The following WDR26 variants were observed in gnomAD, a reference collection of about 807,000 sequenced individuals.
WDR26 encodes WD repeat-containing protein 26.
WDR26 carries 5 observed loss-of-function variants against 84.1 expected under a neutral mutation model. The observed-to-expected ratio is 0.06, with a 90% CI of 0.03 to 0.13. The LOEUF is 0.13. Among genes scored for constraint, WDR26 ranks in the 10% least tolerant of loss-of-function variants. The pLI, the probability that WDR26 is intolerant of heterozygous loss-of-function variation, is 1.00. For synonymous variants in WDR26, 415 were observed against 389.6 expected, an observed-to-expected ratio of 1.07 and a Z score of -0.77; for missense variants, 642 against 974.9, an observed-to-expected ratio of 0.66 and a Z score of 4.55.
chr1:224,416,352 C>G (rs974035220), intron 6 of WDR26, among the ~76,000 whole-genome samples: 1 of 151,970 alleles, frequency 6.6e-6, no homozygotes, highest in African/African-American at 2.4e-5. Context: ...CTCAGCCTCC[C>G]GAGTAGCTGG....
In WDR26 at chr1:224,388,045, C is replaced by T. The variant is rs1382726172; in HGVS notation, c.*1790G>A. 2 of 152,532 alleles carry T rather than the reference C, an allele frequency of 1.3e-5. No individual in the cohort carries two copies. The highest frequency in any genetic ancestry group is 2.9e-5 in the Non-Finnish European group (2 of 68,016). The allele number at this position is 152,532 out of a possible 1,614,324, so 9.4% of individuals were successfully genotyped here. On this transcript the variant is annotated 3_prime_UTR_variant, in exon 14 of 14. Transcript: ENST00000414423. ...TACCAATTTGATAAGAGTCTGCTGA[C>T]CACGATCTGTCATTTTCTTTACTAT...
At chr1:224,403,030 T>C (rs1673458456) in intron 8 of WDR26, among the ~76,000 whole-genome samples, 1 of 152,164 alleles carries the variant, frequency 6.6e-6, no homozygotes, top group South Asian at 2.1e-4. Flanking sequence ...TTTAGATATG[T>C]ATATATATGT....
chr1:224,388,721 A>C lies in WDR26; in HGVS notation c.*1114T>G, dbSNP rs1197972093. ...TTTAAGTATGTCTGTAACCTGCTGA[A>C]TTCTTCTAATAATTTCAATTATACT... On this transcript the variant is annotated 3_prime_UTR_variant, in exon 14 of 14. Coordinates refer to ENST00000414423, the MANE Select transcript of WDR26 (RefSeq NM_001379403.1). 6.6e-6 allele frequency: 1 copy of C among 152,610 alleles called. No homozygotes were observed. Among genetic ancestry groups the C allele is most frequent in the Non-Finnish European group, 1.5e-5 (1 of 68,024 alleles). 9.5% of individuals were successfully genotyped at this position (152,610 alleles called of 1,614,324 possible).
rs149995544 is a variant in WDR26, at chr1:224,415,453, C to CTTT, written c.1319+2804_1319+2806dup. ...ACAATTCTGGAACACGTATTTCTTTCTTTTTTTTTTTTTTTTTTTTTTTTT... is the reference window on the plus strand; with the variant it reads ...ACAATTCTGGAACACGTATTTCTTTCTTTTTTTTTTTTTTTTTTTTTTTTTTTT... On this transcript the variant is annotated intron_variant, in intron 6 of 13. Transcript: ENST00000414423. Among the ~76,000 whole-genome samples the CTTT allele has an allele frequency of 1.8e-3, 150 of 82,164 alleles. 3 individuals carry two copies. Among genetic ancestry groups the CTTT allele is most frequent in the Middle Eastern group, 6.9e-3 (1 of 144 alleles). The allele number at this position is 82,164 out of a possible 152,430, so 53.9% of individuals were successfully genotyped here.
chr1:224,392,644 T>C (rs931691938), intron 13 of WDR26, among the ~76,000 whole-genome samples: 6 of 152,144 alleles, frequency 3.9e-5, no homozygotes, highest in African/African-American at 1.4e-4. Context: ...GATCTATAAA[T>C]ACAAAAATAC....
At chr1:224,405,953 A>C (rs1673538290) in intron 7 of WDR26, among the ~76,000 whole-genome samples, 1 of 152,264 alleles carries the variant, frequency 6.6e-6, no homozygotes, top group African/African-American at 2.4e-5. Flanking sequence ...ACACAGGATA[A>C]GGCAACCATA....
intron 11 of WDR26, 33 bp from the exon 12 acceptor site, chr1:224,398,259 T>C: frequency 6.3e-7 from 1 of 1,590,682 alleles, no homozygotes; most frequent in Non-Finnish European, 8.5e-7. Context: ...ATATTTAATC[T>C]GCCTCAACTC....
chr1:224,418,499 A>G lies in WDR26; in HGVS notation c.1163-83T>C, dbSNP rs1673969670. On this transcript the variant is annotated intron_variant, in intron 5 of 13. Transcript: ENST00000414423. ...AAGACATTTGCTCATCTTCTGCTGT[A>G]CTTGTTCCTACCCCAATAGTATCTA... 5 of 1,298,450 alleles carry G rather than the reference A, an allele frequency of 3.9e-6. No homozygotes were observed. The Admixed American group carries it at 7.7e-5, about 20-fold the overall frequency. The allele number at this position is 1,298,450 out of a possible 1,614,324, so 80.4% of individuals were successfully genotyped here. A position where few individuals can be genotyped will look rare whatever the true frequency, so the allele number is the denominator to read the frequency against.
chr1:224,420,817 C>T (rs1414771163), intron 4 of WDR26, among the ~76,000 whole-genome samples: 1 of 152,096 alleles, frequency 6.6e-6, no homozygotes, highest in African/African-American at 2.4e-5. Flanking sequence ...CCAGGATGGT[C>T]TTGATCTCCT....
chr1:224,428,040 G>A (rs1423291092), intron 3 of WDR26, among the ~76,000 whole-genome samples: 4 of 151,950 alleles, frequency 2.6e-5, no homozygotes, highest in Admixed American at 2.6e-4. Flanking sequence ...GATTATTTCT[G>A]GTCTCTAATG....
At chr1:224,419,775 T>A (rs1674007088) in intron 4 of WDR26, among the ~76,000 whole-genome samples, 160 bp from the exon 5 acceptor site, 1 of 152,178 alleles carries the variant, frequency 6.6e-6, no homozygotes, top group East Asian at 1.9e-4. Context: ...CACCTGCATA[T>A]AATTACTAAA....
chr1:224,416,313 C>T (rs1483082256), intron 6 of WDR26, among the ~76,000 whole-genome samples: 3 of 151,982 alleles, frequency 2.0e-5, no homozygotes, highest in Admixed American at 1.3e-4. Flanking sequence ...TTGCAAGCTC[C>T]GCCTCCTGGG....
rs1197567397 is a variant in WDR26 at position 224,434,696 on chromosome 1, C to CGGCGGCGGCG, written c.-301_-292dup. ...TGAGCCCCGGCAGTGGCTGCGGCGG[C>CGGCGGCGGCG]GGCGGCGGCGGGCGGCAGCGGAGGC... On this transcript the variant is annotated 5_prime_UTR_variant, in exon 1 of 14. Transcript: ENST00000414423. 1.2e-5 allele frequency: 11 copies of CGGCGGCGGCG among 932,482 alleles called. No homozygotes were observed. The highest frequency in any genetic ancestry group is 1.2e-4 in the East Asian group (1 of 8,452). 57.8% of individuals were successfully genotyped at this position (932,482 alleles called of 1,614,324 possible).
chr1:224,430,992 C>T (rs1181466595), intron 3 of WDR26: 1 of 154,442 alleles, frequency 6.5e-6, no homozygotes, highest in Non-Finnish European at 1.4e-5. Flanking sequence ...TCAATTCACA[C>T]AACTGGAATG....
chr1:224,391,161 G>A (rs983535494), intron 13 of WDR26, among the ~76,000 whole-genome samples: 1 of 151,484 alleles, frequency 6.6e-6, no homozygotes, highest in African/African-American at 2.4e-5. Flanking sequence ...GAAGTCGGGA[G>A]TTCAAGACCA....
At chr1:224,420,015 A>C (rs563553829) in intron 4 of WDR26, among the ~76,000 whole-genome samples, 3 of 152,342 alleles carry the variant, frequency 2.0e-5, no homozygotes, top group East Asian at 3.9e-4. Context: ...TAAGAGGCTA[A>C]GTAGGTATAT....
At position 224,385,268 on chromosome 1, in the gene WDR26, A is replaced by G. The variant is rs1672956318; in HGVS notation, c.*4567T>C. ...AATCCCAGTAAAGCAAATCAAAGTT[A>G]ATGTAGTTTCAGTTGAACAAAAATT... On this transcript the variant is annotated 3_prime_UTR_variant, in exon 14 of 14. Transcript: ENST00000414423. 6.6e-6 allele frequency: 1 copy of G among 152,252 alleles called. No homozygotes were observed. Among genetic ancestry groups the G allele is most frequent in the Admixed American group, 6.5e-5 (1 of 15,284 alleles). 9.4% of individuals were successfully genotyped at this position (152,252 alleles called of 1,614,324 possible). A position where few individuals can be genotyped will look rare whatever the true frequency, so the allele number is the denominator to read the frequency against.
intron 6 of WDR26, among the ~76,000 whole-genome samples, chr1:224,417,643 T>A (rs1189385224): frequency 6.6e-6 from 1 of 152,198 alleles, no homozygotes. Context: ...GGCTATATAG[T>A]AGCCTATGAT....
chr1:224,425,678 G>A (rs1337166619), intron 3 of WDR26, among the ~76,000 whole-genome samples: 1 of 152,174 alleles, frequency 6.6e-6, no homozygotes, highest in Admixed American at 6.5e-5. Flanking sequence ...CCACAGGTTG[G>A]AGGGACCTTT....
Sources: gnomAD v4.1 joint callset for allele counts (sites outside exome capture counted in the v4.1 genomes callset) on GRCh38, gnomAD v4.1.1 for gene constraint, MANE v1.5 for transcripts, NCBI Gene and HGNC (gene_info 2026-07-23, HGNC 2026-07-21) for gene names.